ZDHHC2: variants seen among roughly 807,000 people sequenced by gnomAD.
ZDHHC2 encodes the protein palmitoyltransferase ZDHHC2.
In ZDHHC2, 51 loss-of-function variants were observed where a neutral mutation model predicts 55.6. That is an observed-to-expected ratio of 0.92 (90% CI 0.73 to 1.16). ZDHHC2 has a LOEUF of 1.16. Among genes scored for constraint, ZDHHC2 ranks in the 50% most tolerant of loss-of-function variants. The pLI is 0.00. For synonymous variants in ZDHHC2, 199 were observed against 152.9 expected (o/e 1.30, Z -2.22); for missense variants, 491 against 442.4 (o/e 1.11, Z -0.99).
intron 1 of ZDHHC2, among the ~76,000 whole-genome samples, chr8:17,183,609 TA>T (rs1805546365): frequency 6.6e-6 from 1 of 152,228 alleles, no homozygotes; most frequent in Non-Finnish European, 1.5e-5. Context: ...CTGGAAACCA[TA>T]TATTAGTTGG....
At chr8:17,198,808 A>T (rs1372982538) in intron 6 of ZDHHC2, among the ~76,000 whole-genome samples, 1 of 152,176 alleles carries the variant, frequency 6.6e-6, no homozygotes, top group Non-Finnish European at 1.5e-5. Context: ...TTAACAATTT[A>T]TTTTACACAG....
chr8:17,158,970 T>C (rs1804201531), intron 1 of ZDHHC2, among the ~76,000 whole-genome samples: 1 of 152,222 alleles, frequency 6.6e-6, no homozygotes, highest in African/African-American at 2.4e-5. Flanking sequence ...CAAAAAGTAA[T>C]TGTTATGAAA....
At position 17,223,735 on chromosome 8, in the gene ZDHHC2, G is replaced by A. The variant is rs953683367; in HGVS notation, c.*3514G>A. 1 of 151,792 alleles carries A rather than the reference G, an allele frequency of 6.6e-6. No individual in the cohort carries two copies. The highest frequency in any genetic ancestry group is 2.4e-5 in the African/African-American group (1 of 41,402). The allele number at this position is 151,792 out of a possible 1,614,324, so 9.4% of individuals were successfully genotyped here. On this transcript the variant is annotated 3_prime_UTR_variant, in exon 13 of 13. Transcript: ENST00000262096. ...CAACATTAACCTAGATTTTACAACT[G>A]AGCAATCTGTTCCCCACCAGATTTC...
rs375037177 is a variant in ZDHHC2 at position 17,200,289 on chromosome 8, C to T, written c.476+1876C>T. ...TCACAAGCCAGGCAGTCCAGAAGTG[C>T]CAAGGCATTCATACCTCCAGGGGCA... On this transcript the variant is annotated intron_variant, in intron 6 of 12. Transcript: ENST00000262096. 5.9e-5 allele frequency among the ~76,000 whole-genome samples: 9 copies of T among 152,314 alleles called. No homozygotes were observed. In the East Asian group the frequency reaches 1.4e-3, roughly 23 times the overall value.
intron 1 of ZDHHC2, among the ~76,000 whole-genome samples, chr8:17,168,353 T>G (rs1377905100): frequency 6.6e-6 from 1 of 152,180 alleles, no homozygotes; most frequent in Admixed American, 6.5e-5. Context: ...TTATGAGATG[T>G]TAAACAACAG....
At chr8:17,179,696 C>T (rs1805335168) in intron 1 of ZDHHC2, among the ~76,000 whole-genome samples, 1 of 152,194 alleles carries the variant, frequency 6.6e-6, no homozygotes, top group Non-Finnish European at 1.5e-5. Flanking sequence ...CATGCGTGGG[C>T]CGCCCAGCCC....
At chr8:17,198,328 T>C in intron 5 of ZDHHC2, 53 bp from the exon 6 acceptor site, 1 of 1,476,500 alleles carries the variant, frequency 6.8e-7, no homozygotes, top group Non-Finnish European at 9.1e-7. Context: ...TATAATTTAA[T>C]ATGATTAAAA....
At chr8:17,199,738 T>G (rs1187619764) in intron 6 of ZDHHC2, among the ~76,000 whole-genome samples, 1 of 149,966 alleles carries the variant, frequency 6.7e-6, no homozygotes. Flanking sequence ...TCTTTTTCCT[T>G]CTTCGTCCTT....
At chr8:17,167,552 T>C (rs1019062766) in intron 1 of ZDHHC2, among the ~76,000 whole-genome samples, 1 of 151,996 alleles carries the variant, frequency 6.6e-6, no homozygotes, top group Non-Finnish European at 1.5e-5. Flanking sequence ...TGATTCGGCC[T>C]CCCAAAGTGC....
intron 12 of ZDHHC2, among the ~76,000 whole-genome samples, chr8:17,218,078 G>A (rs544925752): frequency 7.9e-5 from 12 of 152,158 alleles, no homozygotes; most frequent in South Asian, 2.1e-4. Flanking sequence ...GTTTTGGTAA[G>A]TTAGCCATGT....
intron 3 of ZDHHC2, among the ~76,000 whole-genome samples, chr8:17,192,530 A>T (rs1459774381): frequency 6.6e-6 from 1 of 152,180 alleles, no homozygotes; most frequent in African/African-American, 2.4e-5. Flanking sequence ...TTAATCCTTT[A>T]TCAAATGGGG....
chr8:17,166,774 C>G (rs573885403), intron 1 of ZDHHC2, among the ~76,000 whole-genome samples: 1 of 152,226 alleles, frequency 6.6e-6, no homozygotes, highest in Non-Finnish European at 1.5e-5. Context: ...AGGGAGGAAT[C>G]AACATTGCCA....
chr8:17,166,005 G>A (rs1218297051), intron 1 of ZDHHC2, among the ~76,000 whole-genome samples: 2 of 152,210 alleles, frequency 1.3e-5, no homozygotes, highest in African/African-American at 4.8e-5. Context: ...GGAAGTAGGT[G>A]ACAGGTCAGA....
Position 17,224,013 on chromosome 8 carries a change from C to G in ZDHHC2, c.*3792C>G, listed in dbSNP as rs1335709416. On this transcript the variant is annotated 3_prime_UTR_variant, in exon 13 of 13. Coordinates refer to ENST00000262096, the MANE Select transcript of ZDHHC2 (RefSeq NM_016353.5). ...GAACAATGTTGAGTGTTTCAGGAGA[C>G]TCTGAAACAGGGCACCCATTTTTTT... 1 of 151,548 alleles carries G rather than the reference C, an allele frequency of 6.6e-6. No homozygotes were observed. The highest frequency in any genetic ancestry group is 1.5e-5 in the Non-Finnish European group (1 of 67,692). The allele number at this position is 151,548 out of a possible 1,614,324, so 9.4% of individuals were successfully genotyped here. A position where few individuals can be genotyped will look rare whatever the true frequency, so the allele number is the denominator to read the frequency against.
At chr8:17,210,365 C>G (rs763064629) in intron 9 of ZDHHC2, 23 bp from the exon 10 acceptor site, 7 of 1,603,422 alleles carry the variant, frequency 4.4e-6, no homozygotes, top group Non-Finnish European at 6.0e-6. Context: ...TGGTTCAGTT[C>G]TAAATTTTTA....
chr8:17,203,543 A>G (rs1055612772), intron 6 of ZDHHC2, among the ~76,000 whole-genome samples: 8 of 151,740 alleles, frequency 5.3e-5, no homozygotes, highest in Non-Finnish European at 1.2e-4. Flanking sequence ...CATATTGTCC[A>G]AAGTTTTAAA....
In ZDHHC2 at chr8:17,220,957, T is replaced by C. The variant is rs1177443441; in HGVS notation, c.*736T>C. 2 of 152,222 alleles carry C rather than the reference T, an allele frequency of 1.3e-5. No individual in the cohort carries two copies. Among genetic ancestry groups the C allele is most frequent in the African/African-American group, 4.8e-5 (2 of 41,462 alleles). 9.4% of individuals were successfully genotyped at this position (152,222 alleles called of 1,614,324 possible). On this transcript the variant is annotated 3_prime_UTR_variant, in exon 13 of 13. Coordinates refer to ENST00000262096, the MANE Select transcript of ZDHHC2 (RefSeq NM_016353.5). The stretch of plus-strand genomic sequence containing the variant: ...ATTACATCAGAAATATATTTTCATC[T>C]CTTCTTGTTAAATTGGGAGGAAATT...
chr8:17,170,552 A>G (rs916720201), intron 1 of ZDHHC2, among the ~76,000 whole-genome samples: 10 of 152,220 alleles, frequency 6.6e-5, no homozygotes, highest in Admixed American at 6.5e-4. Context: ...CTCTGGTCAT[A>G]TAGTACTCAA....
At position 17,184,800 on chromosome 8, in the gene ZDHHC2, A is replaced by G. The variant is rs1231891320; in HGVS notation, c.142A>G (p.Asn48Asp). 3 of 1,550,472 alleles carry G rather than the reference A, an allele frequency of 1.9e-6. No individual in the cohort carries two copies. Among genetic ancestry groups the G allele is most frequent in the Non-Finnish European group, 2.6e-6 (3 of 1,146,462 alleles). The change falls in exon 2 of 13, where the codon AAC (asparagine) becomes GAC (aspartate). Residue 48 changes from asparagine to aspartate, a missense_variant. Physicochemically the swap from Asn to Asp is conservative, Grantham distance 23. Transcript: ENST00000262096. ...AIQLCIVSME[N>D]TGEQVVCLMA... is the part of the protein sequence containing the mutation. ...TTTTCTCTTTACAGTGTCCATGGAAAACACTGGCGAACAAGGTAAGCTAGA... is the reference window on the plus strand; with the variant it reads ...TTTTCTCTTTACAGTGTCCATGGAAGACACTGGCGAACAAGGTAAGCTAGA...
Sources: gnomAD v4.1 joint callset for allele counts (sites outside exome capture counted in the v4.1 genomes callset) on GRCh38, gnomAD v4.1.1 for gene constraint, MANE v1.5 for transcripts, NCBI Gene and HGNC (gene_info 2026-07-23, HGNC 2026-07-21) for gene names.